Variants in CSMD2 observed in about 807,000 individuals in gnomAD.
CSMD2 encodes CUB and Sushi multiple domains 2, also known as CUB and sushi domain-containing protein 2.
Under a neutral mutation model 398.5 loss-of-function variants are expected in CSMD2, and 130 were observed. The observed-to-expected ratio is 0.33, with a 90% CI of 0.28 to 0.38. The LOEUF (loss-of-function observed/expected upper bound fraction) is 0.38, where lower values mean the gene tolerates loss of function less well. Ranked by LOEUF, CSMD2 falls within the 10% of genes least tolerant of loss-of-function variation. The pLI is 1.00. For missense variants in CSMD2, 3,829 were observed against 4,764.9 expected (o/e 0.80, Z 5.78); for synonymous variants, 1,828 against 1,908.5 (o/e 0.96, Z 1.10).
chr1:34,165,357 C>T (rs1641794430), upstream of CSMD2: 1 of 1,239,068 alleles, frequency 8.1e-7, no homozygotes, highest in Admixed American at 3.9e-5. Flanking sequence ...TTAATCACTC[C>T]GGAGCCGCTT....
intron 1 of CSMD2, among the ~76,000 whole-genome samples, chr1:34,148,007 G>A (rs1444460742): frequency 6.6e-6 from 1 of 151,998 alleles, no homozygotes; most frequent in Non-Finnish European, 1.5e-5. Context: ...TAGGGACTGA[G>A]TTGAGAGGGA....
chr1:33,792,545 G>A lies in CSMD2; in HGVS notation c.1447-19C>T. The stretch of plus-strand genomic sequence containing the variant: ...TGATCACCTAGGGAGGGAACACAGG[G>A]TTAGGAGCAGGCAGGGGCTGTGAGG... On this transcript the variant is annotated intron_variant, in intron 10 of 70. Transcript: ENST00000373381. 1 of 1,557,642 alleles carries A rather than the reference G, an allele frequency of 6.4e-7. No homozygotes were observed. The highest frequency in any genetic ancestry group is 8.9e-7 in the Non-Finnish European group (1 of 1,128,398).
intron 2 of CSMD2, among the ~76,000 whole-genome samples, chr1:34,071,549 T>C (rs951473265): frequency 1.3e-5 from 2 of 152,238 alleles, no homozygotes; most frequent in African/African-American, 4.8e-5. Flanking sequence ...AAAGAGAGGA[T>C]TGCAGAGGAG....
chr1:33,704,119 C>T (rs372136048), intron 22 of CSMD2, among the ~76,000 whole-genome samples: 24 of 152,176 alleles, frequency 1.6e-4, no homozygotes, highest in African/African-American at 5.5e-4. Flanking sequence ...TTCTAGGTGT[C>T]TTACAGTTTT....
chr1:33,985,643 A>C (rs1336921639), intron 3 of CSMD2, among the ~76,000 whole-genome samples: 1 of 152,222 alleles, frequency 6.6e-6, no homozygotes, highest in African/African-American at 2.4e-5. Context: ...TTGGATAAAA[A>C]AGGGACACTC....
intron 3 of CSMD2, among the ~76,000 whole-genome samples, chr1:33,966,650 A>C (rs1036181499): frequency 2.0e-5 from 3 of 152,242 alleles, no homozygotes; most frequent in Admixed American, 6.5e-5. Context: ...TTAGCAAGAA[A>C]ATAGAAGCTG....
intron 5 of CSMD2, among the ~76,000 whole-genome samples, chr1:33,859,581 A>T (rs1639339240): frequency 6.6e-6 from 1 of 152,320 alleles, no homozygotes; most frequent in South Asian, 2.1e-4. Context: ...AGGGCTTAGG[A>T]CGCCAGCATC....
intron 19 of CSMD2, among the ~76,000 whole-genome samples, chr1:33,720,630 T>A (rs971886290): frequency 3.9e-5 from 6 of 152,196 alleles, no homozygotes. Flanking sequence ...TAGAACTTAG[T>A]TTAGAGGGCT....
chr1:33,755,130 G>C (rs1022926527), intron 13 of CSMD2, among the ~76,000 whole-genome samples: 1 of 151,948 alleles, frequency 6.6e-6, no homozygotes, highest in African/African-American at 2.4e-5. Flanking sequence ...AGCAGAAGTG[G>C]CCCAATCAGA....
At chr1:34,074,983 T>C (rs779014902) in intron 2 of CSMD2, among the ~76,000 whole-genome samples, 2 of 152,218 alleles carry the variant, frequency 1.3e-5, no homozygotes, top group Non-Finnish European at 2.9e-5. Flanking sequence ...TCATAGCACT[T>C]ATACCCTGAT....
chr1:34,048,314 T>C (rs552454669), intron 2 of CSMD2, among the ~76,000 whole-genome samples: 39 of 152,226 alleles, frequency 2.6e-4, no homozygotes, highest in Admixed American at 7.2e-4. Context: ...AACTGCTCTC[T>C]GTCAAGGCAG....
chr1:34,165,819 A>G (rs767201528), upstream of CSMD2: 47 of 1,608,946 alleles, frequency 2.9e-5, no homozygotes, highest in Non-Finnish European at 3.7e-5. Context: ...CTCATTCACA[A>G]TAGCCTCCTA....
intron 9 of CSMD2, among the ~76,000 whole-genome samples, chr1:33,818,748 C>G (rs1013662731): frequency 6.6e-6 from 1 of 152,200 alleles, no homozygotes. Context: ...TAGTGACACT[C>G]TTCTAGATTA....
intron 19 of CSMD2, 57 bp from the exon 20 acceptor site, chr1:33,716,558 CTGCAA>C: frequency 1.7e-6 from 2 of 1,143,806 alleles, no homozygotes; most frequent in South Asian, 1.7e-5. Flanking sequence ...AGAACCTCAG[CTGCAA>C]GACAGGATCT....
At chr1:33,525,966 G>A (rs575237755) in intron 65 of CSMD2, among the ~76,000 whole-genome samples, 2 of 152,292 alleles carry the variant, frequency 1.3e-5, no homozygotes, top group South Asian at 4.1e-4. Context: ...TTACAGGTGT[G>A]AGCCACCACA....
At chr1:33,625,322 A>C in intron 33 of CSMD2, 68 bp from the exon 34 acceptor site, 3 of 1,411,288 alleles carry the variant, frequency 2.1e-6, no homozygotes, top group Non-Finnish European at 2.9e-6. Context: ...CGGACATACA[A>C]CGGGTCTGGA....
At position 33,875,859 on chromosome 1, in the gene CSMD2, T is replaced by C. The variant is rs11810594; in HGVS notation, c.921-28863A>G. On this transcript the variant is annotated intron_variant, in intron 5 of 70. Transcript: ENST00000373381. ...TGTATTTTGAATAATGTTCTTGTTT[T>C]TGTCTGAATTCATGATGTTGAAATG... Among the ~76,000 whole-genome samples, 951 of 152,324 alleles carry C rather than the reference T, an allele frequency of 6.2e-3. 17 individuals carry two copies. The highest frequency in any genetic ancestry group is 0.021 in the African/African-American group (875 of 41,576).
At chr1:34,129,231 T>G (rs1363589585) in intron 1 of CSMD2, among the ~76,000 whole-genome samples, 1 of 152,212 alleles carries the variant, frequency 6.6e-6, no homozygotes, top group Non-Finnish European at 1.5e-5. Flanking sequence ...TAAAGCAGTG[T>G]ACCTGTCTTG....
intron 5 of CSMD2, among the ~76,000 whole-genome samples, chr1:33,886,770 T>C (rs1445739549): frequency 1.3e-5 from 2 of 152,222 alleles, no homozygotes; most frequent in Non-Finnish European, 2.9e-5. Context: ...CATTCCTAAT[T>C]GCAGCATGTT....
Sources: allele counts gnomAD v4.1 joint callset (sites outside exome capture counted in the v4.1 genomes callset), GRCh38; gene constraint gnomAD v4.1.1; transcripts MANE v1.5; gene names NCBI Gene and HGNC (gene_info 2026-07-23, HGNC 2026-07-21).